Variants in FBXL17 observed in about 807,000 individuals in gnomAD.
The protein encoded by FBXL17 is F-box/LRR-repeat protein 17.
Under a neutral mutation model 66.2 loss-of-function variants are expected in FBXL17, and 22 were observed. The ratio of observed to expected loss-of-function variants is 0.33; its 90% confidence interval spans 0.24 to 0.47. FBXL17 has a LOEUF of 0.47. Ranked by LOEUF, FBXL17 falls within the 20% of genes least tolerant of loss-of-function variation. The pLI, the probability that FBXL17 is intolerant of heterozygous loss-of-function variation, is 1.00. For synonymous variants in FBXL17, 474 were observed against 400.5 expected, an observed-to-expected ratio of 1.18 and a Z score of -2.19; for missense variants, 878 against 948.2, an observed-to-expected ratio of 0.93 and a Z score of 0.97.
intron 4 of FBXL17, among the ~76,000 whole-genome samples, chr5:108,338,878 A>G (rs1746690500): frequency 6.6e-6 from 1 of 152,196 alleles, no homozygotes; most frequent in African/African-American, 2.4e-5. Flanking sequence ...CCTACCTAAT[A>G]TGAGTAAGCA....
At chr5:108,169,311 T>C (rs1299753520) in intron 6 of FBXL17, among the ~76,000 whole-genome samples, 1 of 152,350 alleles carries the variant, frequency 6.6e-6, no homozygotes, top group East Asian at 1.9e-4. Flanking sequence ...AACAAGATCA[T>C]AACATCCAAA....
rs372774997 is a variant in FBXL17 at position 107,957,938 on chromosome 5, A to G, written c.1822+62987T>C. Among the ~76,000 whole-genome samples the G allele has an allele frequency of 2.4e-4, 36 of 152,294 alleles. No homozygotes were observed. In the South Asian group the frequency reaches 7.3e-3, roughly 31 times the overall value. The stretch of plus-strand genomic sequence containing the variant: ...GAGCAGACATCAACACAGGCAAAGT[A>G]TCCTTAAACAGCAGTCTCTGGCCGA... On this transcript the variant is annotated intron_variant, in intron 7 of 8. Transcript: ENST00000542267.
At chr5:108,162,993 G>T (rs1277949049) in intron 6 of FBXL17, among the ~76,000 whole-genome samples, 3 of 152,018 alleles carry the variant, frequency 2.0e-5, no homozygotes, top group African/African-American at 7.2e-5. Flanking sequence ...TATTAAAAAT[G>T]ATTTTAAAAA....
intron 4 of FBXL17, among the ~76,000 whole-genome samples, chr5:108,231,663 T>C (rs777103104): frequency 6.8e-4 from 103 of 152,084 alleles, no homozygotes; most frequent in Non-Finnish European, 1.2e-3. Context: ...GAAGTTAAAA[T>C]TGCCACCTGT....
At chr5:108,261,567 T>G (rs979803225) in intron 4 of FBXL17, among the ~76,000 whole-genome samples, 4 of 151,776 alleles carry the variant, frequency 2.6e-5, no homozygotes, top group Non-Finnish European at 5.9e-5. Flanking sequence ...CAAAGATGAG[T>G]ACACAATAGA....
In FBXL17 at chr5:108,381,768, G is replaced by C. The variant is rs1749972849; in HGVS notation, c.-77C>G. On this transcript the variant is annotated 5_prime_UTR_variant, in exon 1 of 9. Coordinates refer to ENST00000542267, the MANE Select transcript of FBXL17 (RefSeq NM_001163315.3). ...AGGCGGGCTCCCGGCAGCGGGGCAG[G>C]CCGCTCGCTGGCTCGGCCCCCGGAG... The C allele has an allele frequency of 5.1e-6, 7 of 1,368,716 alleles. No homozygotes were observed. Among genetic ancestry groups the C allele is most frequent in the East Asian group, 6.2e-5 (2 of 32,312 alleles). 84.8% of individuals were successfully genotyped at this position (1,368,716 alleles called of 1,614,324 possible).
chr5:108,254,412 T>C (rs1257336584), intron 4 of FBXL17, among the ~76,000 whole-genome samples: 1 of 152,162 alleles, frequency 6.6e-6, no homozygotes, highest in African/African-American at 2.4e-5. Flanking sequence ...TTCCCAACTA[T>C]ACAGAAAACT....
intron 7 of FBXL17, among the ~76,000 whole-genome samples, chr5:107,999,654 A>G (rs2112712389): frequency 6.6e-6 from 1 of 152,204 alleles, no homozygotes; most frequent in East Asian, 1.9e-4. Context: ...ACACACATAC[A>G]CACACAAACA....
At chr5:108,177,932 T>TATACATACAC (rs1242739302) in intron 6 of FBXL17, among the ~76,000 whole-genome samples, 1 of 126,834 alleles carries the variant, frequency 7.9e-6, no homozygotes, top group Non-Finnish European at 1.7e-5. Context: ...TATATATATA[T>TATACATACAC]ACACACACAC....
At chr5:108,330,951 G>A (rs2150236991) in intron 4 of FBXL17, among the ~76,000 whole-genome samples, 2 of 152,200 alleles carry the variant, frequency 1.3e-5, no homozygotes, top group Non-Finnish European at 2.9e-5. Context: ...TACTCAGGAG[G>A]CTGAGGCAGG....
chr5:108,198,629 G>A (rs1187389336), intron 5 of FBXL17, among the ~76,000 whole-genome samples: 2 of 152,108 alleles, frequency 1.3e-5, no homozygotes, highest in African/African-American at 4.8e-5. Flanking sequence ...TCCAGGTCAA[G>A]AACTCCCCAA....
chr5:107,890,368 A>C (rs1263335056), intron 7 of FBXL17, among the ~76,000 whole-genome samples: 2 of 152,018 alleles, frequency 1.3e-5, no homozygotes, highest in Non-Finnish European at 2.9e-5. Context: ...AAAAAAAAAA[A>C]AAACTGTCTG....
At chr5:108,055,686 G>A (rs1317838234) in intron 6 of FBXL17, among the ~76,000 whole-genome samples, 1 of 149,464 alleles carries the variant, frequency 6.7e-6, no homozygotes, top group Non-Finnish European at 1.5e-5. Flanking sequence ...AAAATAAAAG[G>A]TATATGAACT....
intron 8 of FBXL17, among the ~76,000 whole-genome samples, chr5:107,876,189 G>A (rs1457475751): frequency 2.0e-5 from 3 of 152,190 alleles, no homozygotes; most frequent in Non-Finnish European, 2.9e-5. Flanking sequence ...GGTAAACCGA[G>A]GCACACTTTC....
intron 7 of FBXL17, among the ~76,000 whole-genome samples, chr5:107,973,662 T>G (rs1299434808): frequency 6.6e-6 from 1 of 152,114 alleles, no homozygotes; most frequent in Non-Finnish European, 1.5e-5. Flanking sequence ...GCATTCCAAG[T>G]GTTTGTAACT....
intron 4 of FBXL17, chr5:108,299,449 T>C (rs1758489743): frequency 5.3e-6 from 5 of 941,372 alleles, no homozygotes; most frequent in South Asian, 9.8e-5. Context: ...CACTAGTTTA[T>C]AGATATAGAA....
intron 7 of FBXL17, among the ~76,000 whole-genome samples, chr5:107,971,509 TA>T (rs1053725055): frequency 1.3e-5 from 2 of 152,166 alleles, no homozygotes; most frequent in African/African-American, 4.8e-5. Context: ...CCCCATCCTT[TA>T]AAAATTGTAT....
chr5:107,963,155 A>G (rs2112632204), intron 7 of FBXL17, among the ~76,000 whole-genome samples: 1 of 152,232 alleles, frequency 6.6e-6, no homozygotes, highest in South Asian at 2.1e-4. Context: ...TATTTTATAA[A>G]CTGAAGAACT....
intron 7 of FBXL17, among the ~76,000 whole-genome samples, chr5:107,961,278 G>A (rs945702510): frequency 6.6e-6 from 1 of 151,606 alleles, no homozygotes; most frequent in Non-Finnish European, 1.5e-5. Flanking sequence ...AGGCTGGAGT[G>A]CACTGGTGCA....
Sources: gnomAD v4.1 joint callset for allele counts (sites outside exome capture counted in the v4.1 genomes callset) on GRCh38, gnomAD v4.1.1 for gene constraint, MANE v1.5 for transcripts, NCBI Gene and HGNC (gene_info 2026-07-23, HGNC 2026-07-21) for gene names.